Variants in ZC3H6 observed in about 807,000 individuals in gnomAD.
The protein encoded by ZC3H6 is zinc finger CCCH-type containing 6, also known as zinc finger CCCH domain-containing protein 6.
Under a neutral mutation model 107.7 loss-of-function variants are expected in ZC3H6, and 40 were observed. That is an observed-to-expected ratio of 0.37 (90% CI 0.29 to 0.48). The LOEUF is 0.48. ZC3H6 is among the 20% of genes least tolerant of loss of function. ZC3H6 has a pLI of 0.98. For synonymous variants in ZC3H6, 493 were observed against 487.9 expected, an observed-to-expected ratio of 1.01 and a Z score of -0.14; for missense variants, 1,267 against 1,410.4, an observed-to-expected ratio of 0.90 and a Z score of 1.63.
In ZC3H6 at chr2:112,338,832, T is replaced by C. The variant is rs1677184139; in HGVS notation, c.*6344T>C. The C allele has an allele frequency of 7.4e-6, 1 of 135,792 alleles. No homozygotes were observed. The highest frequency in any genetic ancestry group is 2.3e-4 in the South Asian group (1 of 4,326). 8.4% of individuals were successfully genotyped at this position (135,792 alleles called of 1,614,324 possible). A position where few individuals can be genotyped will look rare whatever the true frequency, so the allele number is the denominator to read the frequency against. On this transcript the variant is annotated 3_prime_UTR_variant, in exon 12 of 12. Transcript: ENST00000409871. Reference sequence around the variant, plus strand: ...TCTTGGGGTTGTCAATGATAGACTATATATATATGTATGTATATGTGTGTA... The same window carrying C: ...TCTTGGGGTTGTCAATGATAGACTACATATATATGTATGTATATGTGTGTA...
At chr2:112,289,576 C>T (rs557091693) in intron 1 of ZC3H6, among the ~76,000 whole-genome samples, 4 of 151,852 alleles carry the variant, frequency 2.6e-5, no homozygotes, top group East Asian at 3.9e-4. Context: ...CCGCCTGCCT[C>T]GGCCTCCCAA....
Position 112,338,810 on chromosome 2 carries a change from T to A in ZC3H6, c.*6322T>A, listed in dbSNP as rs1677182654. 6.9e-6 allele frequency: 1 copy of A among 144,464 alleles called. No individual in the cohort carries two copies. The highest frequency in any genetic ancestry group is 1.5e-5 in the Non-Finnish European group (1 of 65,808). The allele number at this position is 144,464 out of a possible 1,614,324, so 8.9% of individuals were successfully genotyped here. A position where few individuals can be genotyped will look rare whatever the true frequency, so the allele number is the denominator to read the frequency against. On this transcript the variant is annotated 3_prime_UTR_variant, in exon 12 of 12. Coordinates refer to ENST00000409871, the MANE Select transcript of ZC3H6 (RefSeq NM_198581.3). ...CAAACCTCCATTACCACTAATATCT[T>A]GGGGTTGTCAATGATAGACTATATA...
In ZC3H6 at chr2:112,331,681, T is replaced by C. The variant is rs1677034769; in HGVS notation, c.2763T>C (p.Leu921=). The part of the protein sequence containing the change: ...LNRLWNTKSD[L]HQNTVSIDPK... Reference sequence around the variant, plus strand: ...GATTATGGAATACAAAAAGTGATCTTCATCAAAATACAGTGTCCATTGATC... The same window carrying C: ...GATTATGGAATACAAAAAGTGATCTCCATCAAAATACAGTGTCCATTGATC... The change falls in exon 12 of 12, where the codon CTT becomes CTC. Residue 921 remains leucine, a synonymous_variant. Transcript: ENST00000409871. 6.2e-7 allele frequency: 1 copy of C among 1,613,826 alleles called. No individual in the cohort carries two copies. Among genetic ancestry groups the C allele is most frequent in the Admixed American group, 1.7e-5 (1 of 59,994 alleles).
intron 1 of ZC3H6, among the ~76,000 whole-genome samples, chr2:112,291,442 C>T (rs1257558969): frequency 2.0e-5 from 3 of 152,214 alleles, no homozygotes; most frequent in Non-Finnish European, 4.4e-5. Flanking sequence ...CCATGTTGGC[C>T]AGGCTGGTCT....
At chr2:112,330,492 C>A (rs899757600) in intron 11 of ZC3H6, among the ~76,000 whole-genome samples, 1 of 152,226 alleles carries the variant, frequency 6.6e-6, no homozygotes, top group Non-Finnish European at 1.5e-5. Context: ...CCTTAACCAT[C>A]ACTTTCAGTG....
Position 112,332,266 on chromosome 2 carries a change from C to T in ZC3H6, c.3348C>T (p.Asp1116=), listed in dbSNP as rs371812950. Reference sequence around the variant, plus strand: ...AGGGGCCAGCTGACCCACAGGCGGACGTTCCCAGGAGTTCTGGTAAGGTTC... The same window carrying T: ...AGGGGCCAGCTGACCCACAGGCGGATGTTCCCAGGAGTTCTGGTAAGGTTC... ...TLEGPADPQA[D]VPRSSGKVQV... The change falls in exon 12 of 12, where the codon GAC becomes GAT. Residue 1116 remains aspartate (D), a synonymous_variant. Coordinates refer to ENST00000409871, the MANE Select transcript of ZC3H6 (RefSeq NM_198581.3). 4.7e-5 allele frequency: 76 copies of T among 1,613,862 alleles called. No individual in the cohort carries two copies. The highest frequency in any genetic ancestry group is 1.7e-4 in the African/African-American group (13 of 75,014).
intron 11 of ZC3H6, among the ~76,000 whole-genome samples, chr2:112,330,145 C>T (rs1183916820): frequency 6.6e-6 from 1 of 151,862 alleles, no homozygotes; most frequent in Non-Finnish European, 1.5e-5. Context: ...CTCCGCCTCC[C>T]AGGTTCACGC....
Position 112,311,813 on chromosome 2 carries a change from A to G in ZC3H6, c.623A>G (p.Gln208Arg), listed in dbSNP as rs199917984. ...RMKGVQQGIE[Q>R]RVKSFNVGRG... is the part of the protein sequence containing the mutation. Reference sequence around the variant, plus strand: ...ATTTTAACTTTTCTAGGTATTGAACAGAGAGTTAAAAGTTTTAATGTTGGT... The same window carrying G: ...ATTTTAACTTTTCTAGGTATTGAACGGAGAGTTAAAAGTTTTAATGTTGGT... Residue 208 changes from glutamine (Q) to arginine (R), a missense_variant, in exon 5 of 12, where the codon CAG (glutamine) becomes CGG (arginine). This residue lies in a region of ZC3H6 where 337 missense variants were observed against 361.2 expected (regional missense o/e 0.93). Coordinates refer to ENST00000409871, the MANE Select transcript of ZC3H6 (RefSeq NM_198581.3). 5.5e-5 allele frequency: 89 copies of G among 1,610,720 alleles called. No individual in the cohort carries two copies. The East Asian group carries it at 2.0e-3, about 36-fold the overall frequency.
chr2:112,278,599 G>T (rs569861135), intron 1 of ZC3H6, among the ~76,000 whole-genome samples: 1 of 152,188 alleles, frequency 6.6e-6, no homozygotes, highest in African/African-American at 2.4e-5. Context: ...GATTACAGGG[G>T]TGAGCCACTG....
At chr2:112,287,018 A>T (rs1686622023) in intron 1 of ZC3H6, among the ~76,000 whole-genome samples, 2 of 152,172 alleles carry the variant, frequency 1.3e-5, no homozygotes, top group Admixed American at 1.3e-4. Context: ...GCCCATTGGG[A>T]TATTACTAGG....
rs760472887 is a variant in ZC3H6 at position 112,331,147 on chromosome 2, A to G, written c.2229A>G (p.Pro743=). Residue 743 remains proline (P), a synonymous_variant, in exon 12 of 12, where the codon CCA becomes CCG. Transcript: ENST00000409871. ...CAGAACTCAGCACTCCTACTGATCC[A>G]AGACTTGCTAAAGAGAAAAGTAAAG... The part of the protein sequence containing the change: ...PSTELSTPTD[P]RLAKEKSKGN... The G allele has an allele frequency of 1.9e-6, 3 of 1,613,750 alleles. No individual in the cohort carries two copies. The East Asian group carries it at 6.7e-5, about 36-fold the overall frequency.
At chr2:112,302,814 CAATAG>C (rs1343794436) in intron 2 of ZC3H6, among the ~76,000 whole-genome samples, 1 of 151,290 alleles carries the variant, frequency 6.6e-6, no homozygotes, top group Non-Finnish European at 1.5e-5. Flanking sequence ...GGTACTCATG[CAATAG>C]AATAAGAACT....
chr2:112,320,231 C>G (rs1017723532), intron 7 of ZC3H6, among the ~76,000 whole-genome samples: 3 of 152,108 alleles, frequency 2.0e-5, no homozygotes, highest in Admixed American at 2.0e-4. Context: ...CTGGGCCCAG[C>G]CTATACACAT....
intron 11 of ZC3H6, among the ~76,000 whole-genome samples, chr2:112,328,737 G>A (rs1034862019): frequency 4.6e-5 from 7 of 151,948 alleles, no homozygotes; most frequent in African/African-American, 7.3e-5. Context: ...TCAAGAGATC[G>A]AGACCATCCT....
chr2:112,281,893 A>G (rs1031376711), intron 1 of ZC3H6, among the ~76,000 whole-genome samples: 7 of 151,980 alleles, frequency 4.6e-5, no homozygotes, highest in African/African-American at 1.5e-4. Context: ...AGGTCACAGG[A>G]TGTACATTAT....
intron 2 of ZC3H6, among the ~76,000 whole-genome samples, chr2:112,301,631 G>A (rs960581740): frequency 3.9e-5 from 6 of 151,938 alleles, no homozygotes; most frequent in Admixed American, 3.3e-4. Flanking sequence ...AGAAAAGAAA[G>A]CATGCCCACA....
intron 10 of ZC3H6, 51 bp downstream of exon 10, chr2:112,324,714 A>G (rs1251953063): frequency 1.1e-5 from 16 of 1,440,216 alleles, no homozygotes; most frequent in East Asian, 2.5e-5. Context: ...ATACAGTCCT[A>G]TTTTTCATTA....
At chr2:112,295,662 C>T (rs983516491) in intron 1 of ZC3H6, among the ~76,000 whole-genome samples, 1 of 152,064 alleles carries the variant, frequency 6.6e-6, no homozygotes, top group African/African-American at 2.4e-5. Context: ...TTCTCTATTT[C>T]CTCTTTCTCT....
At chr2:112,309,792 C>A in intron 3 of ZC3H6, 93 bp from the exon 4 acceptor site, 1 of 1,314,044 alleles carries the variant, frequency 7.6e-7, no homozygotes, top group Admixed American at 2.6e-5. Flanking sequence ...CTCCTTTCTC[C>A]AAACTTGCTG....
Sources: gnomAD v4.1 joint callset for allele counts (sites outside exome capture counted in the v4.1 genomes callset) on GRCh38, gnomAD v4.1.1 for gene constraint, gnomAD v4.1.1 regional missense constraint, MANE v1.5 for transcripts, NCBI Gene and HGNC (gene_info 2026-07-23, HGNC 2026-07-21) for gene names.